Variants in CCSER1 observed in about 807,000 individuals in gnomAD.
CCSER1 encodes the protein coiled-coil serine rich protein 1.
CCSER1 carries 41 observed loss-of-function variants against 82.0 expected under a neutral mutation model. That is an observed-to-expected ratio of 0.50 (90% CI 0.39 to 0.65). The LOEUF (loss-of-function observed/expected upper bound fraction) is 0.65. Among genes scored for constraint, CCSER1 ranks in the 30% least tolerant of loss-of-function variants. The pLI is 0.00. For synonymous variants in CCSER1, 414 were observed against 383.9 expected (o/e 1.08, Z -0.92); for missense variants, 1,119 against 1,064.2 (o/e 1.05, Z -0.72).
intron 10 of CCSER1, among the ~76,000 whole-genome samples, chr4:91,398,074 C>T (rs1752097174): frequency 6.6e-6 from 1 of 151,754 alleles, no homozygotes; most frequent in African/African-American, 2.4e-5. Flanking sequence ...TTTTTTAAAA[C>T]TTTTTGGGTC....
At chr4:90,483,512 G>A (rs111763492) in intron 5 of CCSER1, among the ~76,000 whole-genome samples, 23 of 152,214 alleles carry the variant, frequency 1.5e-4, no homozygotes, top group South Asian at 6.2e-4. Context: ...GGCTGGTACC[G>A]GTTGTTCCTT....
chr4:90,607,898 A>T (rs1156334286), intron 5 of CCSER1, among the ~76,000 whole-genome samples: 2 of 152,042 alleles, frequency 1.3e-5, no homozygotes, highest in South Asian at 4.1e-4. Context: ...TGAAAGAAAG[A>T]CTCCACTTAA....
intron 1 of CCSER1, among the ~76,000 whole-genome samples, chr4:90,199,701 G>T (rs894711920): frequency 2.6e-5 from 4 of 151,956 alleles, no homozygotes; most frequent in Admixed American, 6.6e-5. Flanking sequence ...CAGAACCATG[G>T]GATCATCAAG....
intron 3 of CCSER1, among the ~76,000 whole-genome samples, chr4:90,352,726 C>T (rs934561613): frequency 6.6e-6 from 1 of 152,032 alleles, no homozygotes. Context: ...TAACAGGTAG[C>T]ATGATTTAGT....
At chr4:90,241,568 TA>T (rs1396808252) in intron 1 of CCSER1, among the ~76,000 whole-genome samples, 1 of 152,078 alleles carries the variant, frequency 6.6e-6, no homozygotes, top group Admixed American at 6.5e-5. Context: ...TATTCTTTCT[TA>T]AAAGAAAAAA....
At chr4:91,158,904 C>T (rs908052923) in intron 10 of CCSER1, among the ~76,000 whole-genome samples, 6 of 151,930 alleles carry the variant, frequency 3.9e-5, no homozygotes, top group African/African-American at 7.2e-5. Context: ...TATTGGCTTG[C>T]TATCTCAAAA....
intron 9 of CCSER1, among the ~76,000 whole-genome samples, chr4:90,929,953 T>A (rs1241965559): frequency 6.6e-6 from 1 of 152,206 alleles, no homozygotes; most frequent in Non-Finnish European, 1.5e-5. Flanking sequence ...ATTGTATACA[T>A]ATATCAATAT....
intron 4 of CCSER1, among the ~76,000 whole-genome samples, chr4:90,456,680 A>G (rs1762211158): frequency 6.6e-6 from 1 of 152,194 alleles, no homozygotes; most frequent in African/African-American, 2.4e-5. Context: ...GCCTGTCCTC[A>G]TGTCTTAAGT....
chr4:91,410,377 A>G (rs1036895794), intron 10 of CCSER1, among the ~76,000 whole-genome samples: 3 of 152,198 alleles, frequency 2.0e-5, no homozygotes, highest in Admixed American at 6.5e-5. Context: ...GGAATACAGA[A>G]TGTAATTTAC....
At chr4:90,618,503 C>T (rs1403860588) in intron 5 of CCSER1, among the ~76,000 whole-genome samples, 2 of 151,758 alleles carry the variant, frequency 1.3e-5, no homozygotes, top group Non-Finnish European at 2.9e-5. Flanking sequence ...AAAAATTTTG[C>T]ATACTAGCTC....
intron 10 of CCSER1, among the ~76,000 whole-genome samples, chr4:91,232,358 T>TTTTCTA (rs1472265849): frequency 6.6e-6 from 1 of 151,778 alleles, no homozygotes; most frequent in Non-Finnish European, 1.5e-5. Context: ...TTCAACAAAT[T>TTTTCTA]GTGTTTATAT....
intron 10 of CCSER1, among the ~76,000 whole-genome samples, chr4:91,274,160 A>T (rs1742247514): frequency 6.6e-6 from 1 of 152,108 alleles, no homozygotes; most frequent in South Asian, 2.1e-4. Context: ...TTTTGTCTTT[A>T]TGCTGATGTG....
At chr4:91,075,176 C>T (rs1286532882) in intron 9 of CCSER1, among the ~76,000 whole-genome samples, 2 of 82,048 alleles carry the variant, frequency 2.4e-5, no homozygotes, top group Non-Finnish European at 4.5e-5. Flanking sequence ...GTAGGAAGTT[C>T]TATTTTTTTT....
At chr4:91,591,620 T>C (rs1203461422) in intron 10 of CCSER1, among the ~76,000 whole-genome samples, 1 of 152,146 alleles carries the variant, frequency 6.6e-6, no homozygotes, top group Non-Finnish European at 1.5e-5. Flanking sequence ...ATTTTTTATT[T>C]TTATAAATTA....
Position 90,980,113 on chromosome 4 carries a change from TG to T in CCSER1, c.2172+56668del, listed in dbSNP as rs780345044. ...ATAGAATGCTCAGGAGAGTAATTTC[TG>T]GAAAGGTGATACTTCATCAGAGACC... is the stretch of plus-strand genomic sequence containing the variant. On this transcript the variant is annotated intron_variant, in intron 9 of 10. Coordinates refer to ENST00000509176, the MANE Select transcript of CCSER1 (RefSeq NM_001145065.2). Among the ~76,000 whole-genome samples the T allele has an allele frequency of 7.4e-4, 112 of 151,994 alleles. No individual in the cohort carries two copies. In the Middle Eastern group the frequency reaches 0.01, roughly 14 times the overall value.
Position 91,585,876 on chromosome 4 carries a change from T to C in CCSER1, c.2218-12696T>C, listed in dbSNP as rs545969687. ...GGCCATTACAAGAATATTTATCTTC[T>C]TGAAATTCAGTAGGAAGGTATTGAA... On this transcript the variant is annotated intron_variant, in intron 10 of 10. Transcript: ENST00000509176. Among the ~76,000 whole-genome samples, 6 of 151,814 alleles carry C rather than the reference T, an allele frequency of 4.0e-5. No homozygotes were observed. The South Asian group carries it at 1.2e-3, about 31-fold the overall frequency.
chr4:90,298,649 C>G (rs1411043882), intron 1 of CCSER1, among the ~76,000 whole-genome samples: 1 of 152,096 alleles, frequency 6.6e-6, no homozygotes. Context: ...AAATTTCCCT[C>G]TACACACTGC....
At chr4:90,718,824 G>T (rs1742152033) in intron 6 of CCSER1, among the ~76,000 whole-genome samples, 1 of 152,058 alleles carries the variant, frequency 6.6e-6, no homozygotes, top group African/African-American at 2.4e-5. Flanking sequence ...CAGAAAATAT[G>T]CAGAGACAGT....
chr4:90,453,631 G>A (rs916502543), intron 4 of CCSER1, among the ~76,000 whole-genome samples: 3 of 152,108 alleles, frequency 2.0e-5, no homozygotes, highest in African/African-American at 7.2e-5. Context: ...AGTCTGTCCT[G>A]GAGCCATAAA....
Sources: gnomAD v4.1 joint callset for allele counts (sites outside exome capture counted in the v4.1 genomes callset) on GRCh38, gnomAD v4.1.1 for gene constraint, MANE v1.5 for transcripts, NCBI Gene and HGNC (gene_info 2026-07-23, HGNC 2026-07-21) for gene names.